The following FBXL3 variants were observed in gnomAD, a reference collection of about 807,000 sequenced individuals.
FBXL3 encodes the protein F-box and leucine rich repeat protein 3, also known as F-box/LRR-repeat protein 3.
Under a neutral mutation model 37.9 loss-of-function variants are expected in FBXL3, and 14 were observed. The observed-to-expected ratio is 0.37, with a 90% CI of 0.24 to 0.58. The LOEUF is 0.58. Ranked by LOEUF, FBXL3 falls within the 20% of genes least tolerant of loss-of-function variation. The pLI is 0.74. For missense variants in FBXL3, 327 were observed against 511.1 expected, an observed-to-expected ratio of 0.64 and a Z score of 3.47; for synonymous variants, 194 against 180.1, an observed-to-expected ratio of 1.08 and a Z score of -0.62.
chr13:77,021,418 A>G, intron 2 of FBXL3, 95 bp downstream of exon 2: 1 of 941,256 alleles, frequency 1.1e-6, no homozygotes, highest in South Asian at 2.0e-5. Flanking sequence ...TCCCTGAAAA[A>G]GCAAATATTT....
Position 77,006,823 on chromosome 13 carries a change from T to C in FBXL3, c.*322A>G. On this transcript the variant is annotated 3_prime_UTR_variant, in exon 5 of 5. Transcript: ENST00000355619. ...AGAATATAACATTTCAGAAAACCTATTAGTACTTCTTGGATATTATAACAT... is the reference window on the plus strand; with the variant it reads ...AGAATATAACATTTCAGAAAACCTACTAGTACTTCTTGGATATTATAACAT... The C allele has an allele frequency of 2.8e-6, 3 of 1,067,126 alleles. No individual in the cohort carries two copies. The highest frequency in any genetic ancestry group is 2.3e-6 in the Non-Finnish European group (2 of 879,228). The allele number at this position is 1,067,126 out of a possible 1,614,324, so 66.1% of individuals were successfully genotyped here.
chr13:77,025,221 G>GA (rs1336887258), intron 1 of FBXL3, among the ~76,000 whole-genome samples: 6 of 152,200 alleles, frequency 3.9e-5, no homozygotes, highest in Non-Finnish European at 5.9e-5. Context: ...CTAGACTCTA[G>GA]AAATCTAGAG....
chr13:77,010,199 C>A (rs1389076591), intron 4 of FBXL3: 1 of 151,944 alleles, frequency 6.6e-6, no homozygotes, highest in Non-Finnish European at 1.5e-5. Flanking sequence ...ACGTGTATAT[C>A]TATGTAACAA....
intron 3 of FBXL3, chr13:77,017,080 C>G (rs1163514691): frequency 6.6e-6 from 1 of 151,954 alleles, no homozygotes; most frequent in African/African-American, 2.4e-5. Flanking sequence ...TCTATGTTCT[C>G]TTCAGTTCTC....
intron 4 of FBXL3, chr13:77,015,090 CA>C (rs945360178): frequency 3.5e-5 from 6 of 169,520 alleles, no homozygotes; most frequent in African/African-American, 1.2e-4. Flanking sequence ...AGCTCAACTA[CA>C]ATGAGAAAAA....
chr13:77,024,684 AT>A (rs956123996), intron 1 of FBXL3, among the ~76,000 whole-genome samples: 2 of 152,122 alleles, frequency 1.3e-5, no homozygotes, highest in Non-Finnish European at 2.9e-5. Flanking sequence ...AGTTGACAAA[AT>A]TTTTTTTAAC....
rs1346617190 is a variant in FBXL3 at position 77,005,586 on chromosome 13, A to G, written c.*1559T>C. Reference sequence around the variant, plus strand: ...TTGCTGTTAATTTTCGAATCTAGATAAGCCTTTTTTCTTCTCATATGTTGC... The same window carrying G: ...TTGCTGTTAATTTTCGAATCTAGATGAGCCTTTTTTCTTCTCATATGTTGC... On this transcript the variant is annotated 3_prime_UTR_variant, in exon 5 of 5. Transcript: ENST00000355619. 1 of 152,318 alleles carries G rather than the reference A, an allele frequency of 6.6e-6. No homozygotes were observed. The highest frequency in any genetic ancestry group is 1.5e-5 in the Non-Finnish European group (1 of 67,968). 9.4% of individuals were successfully genotyped at this position (152,318 alleles called of 1,614,324 possible).
chr13:77,023,285 G>A (rs2034777111), intron 1 of FBXL3, among the ~76,000 whole-genome samples: 3 of 152,024 alleles, frequency 2.0e-5, no homozygotes, highest in Admixed American at 2.0e-4. Context: ...TCAGCCTCCA[G>A]AGTATCTGCA....
At chr13:77,021,442 A>T (rs2034741792) in intron 2 of FBXL3, 71 bp downstream of exon 2, 1 of 1,151,602 alleles carries the variant, frequency 8.7e-7, no homozygotes, top group Non-Finnish European at 1.2e-6. Flanking sequence ...AGGCATGAGA[A>T]GATGTACTGG....
chr13:77,025,687 CAAAAAAAAAAAA>C lies in FBXL3; in HGVS notation c.-2+1128_-2+1139del, dbSNP rs35934318. ...TGGGTGACAAAGTGAGTCCTTGTCT[CAAAAAAAAAAAA>C]AAAAAAAAAAAAACTTTGAAAGAAG... On this transcript the variant is annotated intron_variant, in intron 1 of 4. Coordinates refer to ENST00000355619, the MANE Select transcript of FBXL3 (RefSeq NM_012158.4). Among the ~76,000 whole-genome samples the C allele has an allele frequency of 3.8e-3, 283 of 73,976 alleles. 3 individuals carry two copies. The highest frequency in any genetic ancestry group is 0.016 in the African/African-American group (277 of 17,818). The allele number at this position is 73,976 out of a possible 152,430, so 48.5% of individuals were successfully genotyped here.
At chr13:77,016,061 A>T (rs958287840) in intron 3 of FBXL3, 5 of 152,260 alleles carry the variant, frequency 3.3e-5, no homozygotes, top group African/African-American at 9.6e-5. Flanking sequence ...ATGAAAACTC[A>T]TAGAAAATTT....
At chr13:77,026,496 C>G (rs1198550655) in intron 1 of FBXL3, 23 of 505,106 alleles carry the variant, frequency 4.6e-5, no homozygotes, top group Non-Finnish European at 5.6e-5. Context: ...CTGTCACCAG[C>G]CCCCGCCAAG....
intron 3 of FBXL3, chr13:77,016,317 G>A (rs1249752168): frequency 6.6e-6 from 1 of 152,138 alleles, no homozygotes; most frequent in Non-Finnish European, 1.5e-5. Flanking sequence ...AGGCAAACAG[G>A]AATTAAAGCA....
rs190716786 is a variant in FBXL3 at position 77,023,245 on chromosome 13, G to A, written c.-1-1384C>T. Among the ~76,000 whole-genome samples the A allele has an allele frequency of 2.7e-3, 404 of 152,112 alleles. 12 individuals carry two copies. The highest frequency in any genetic ancestry group is 0.024 in the Admixed American group (363 of 15,272). On this transcript the variant is annotated intron_variant, in intron 1 of 4. Transcript: ENST00000355619. ...CACGATCATGGCTCACTGCAGCCTC[G>A]ACCTCCTGAGATCAAGCAATCCTTC...
chr13:77,026,133 A>G (rs1700511148), intron 1 of FBXL3: 1 of 976,756 alleles, frequency 1.0e-6, no homozygotes, highest in African/African-American at 1.8e-5. Flanking sequence ...TCAACTGGAT[A>G]TCATTAGCAA....
intron 2 of FBXL3, among the ~76,000 whole-genome samples, chr13:77,020,247 A>G (rs2034717650): frequency 6.6e-6 from 1 of 152,232 alleles, no homozygotes; most frequent in Admixed American, 6.5e-5. Context: ...ATTAAAAGGG[A>G]TGTAACTATA....
intron 4 of FBXL3, 189 bp downstream of exon 4, chr13:77,015,220 A>T: frequency 2.6e-6 from 1 of 387,372 alleles, no homozygotes. Flanking sequence ...ATTAGAAAAT[A>T]AGCTGAAAGT....
intron 4 of FBXL3, among the ~76,000 whole-genome samples, chr13:77,011,458 T>C (rs2034551661): frequency 6.6e-6 from 1 of 150,642 alleles, no homozygotes; most frequent in South Asian, 2.1e-4. Flanking sequence ...ACGGTGGCTC[T>C]CGCCTATAAT....
At position 77,025,483 on chromosome 13, in the gene FBXL3, G is replaced by T. The variant is rs543015962; in HGVS notation, c.-2+1344C>A. Among the ~76,000 whole-genome samples the T allele has an allele frequency of 4.6e-5, 7 of 152,236 alleles. No homozygotes were observed. In the East Asian group the frequency reaches 1.3e-3, roughly 29 times the overall value. On this transcript the variant is annotated intron_variant, in intron 1 of 4. Coordinates refer to ENST00000355619, the MANE Select transcript of FBXL3 (RefSeq NM_012158.4). ...CACGCCTGTAATCCCAGCACTTTGG[G>T]AGGACAAGGCGGGCGGATCGCTTGA... is the stretch of plus-strand genomic sequence containing the variant.
Sources: allele counts gnomAD v4.1 joint callset (sites outside exome capture counted in the v4.1 genomes callset), GRCh38; gene constraint gnomAD v4.1.1; transcripts MANE v1.5; gene names NCBI Gene and HGNC (gene_info 2026-07-23, HGNC 2026-07-21).